The following EPYC variants were observed in gnomAD, a reference collection of about 807,000 sequenced individuals.
The protein encoded by EPYC is dermatan sulfate proteoglycan 3.
In EPYC, 28 loss-of-function variants were observed where a neutral mutation model predicts 30.1. That is an observed-to-expected ratio of 0.93 (90% CI 0.69 to 1.28). The LOEUF (loss-of-function observed/expected upper bound fraction) is 1.28, where lower values mean the gene tolerates loss of function less well. EPYC is among the 50% of genes most tolerant of loss of function. The pLI is 0.00. For missense variants in EPYC, 382 were observed against 383.5 expected (o/e 1.00, Z 0.03); for synonymous variants, 144 against 141.4 (o/e 1.02, Z -0.13).
chr12:90,987,200 T>G (rs1430086640), intron 2 of EPYC, among the ~76,000 whole-genome samples: 1 of 152,100 alleles, frequency 6.6e-6, no homozygotes, highest in Non-Finnish European at 1.5e-5. Context: ...AAGGTCAGCA[T>G]AACCATAAAC....
At chr12:90,982,165 A>G (rs1425597980) in intron 2 of EPYC, among the ~76,000 whole-genome samples, 1 of 152,184 alleles carries the variant, frequency 6.6e-6, no homozygotes, top group African/African-American at 2.4e-5. Flanking sequence ...CCTATCTGCC[A>G]TCATCACCAT....
chr12:90,990,750 C>T (rs1877564180), intron 2 of EPYC, among the ~76,000 whole-genome samples: 1 of 152,106 alleles, frequency 6.6e-6, no homozygotes, highest in Admixed American at 6.5e-5. Context: ...AGGGATCGAA[C>T]TCTTTAAATA....
chr12:90,986,015 T>C (rs1877439798), intron 2 of EPYC, among the ~76,000 whole-genome samples: 1 of 152,170 alleles, frequency 6.6e-6, no homozygotes. Context: ...TATTTGTGAT[T>C]GGCAGAATTT....
intron 1 of EPYC, among the ~76,000 whole-genome samples, chr12:91,003,358 A>G (rs1877875652): frequency 6.6e-6 from 1 of 152,046 alleles, no homozygotes; most frequent in African/African-American, 2.4e-5. Context: ...TAGCTATCTA[A>G]GATTTGAACT....
In EPYC at chr12:90,964,143, C is replaced by T; in HGVS notation, c.*13G>A. 1 of 1,605,002 alleles carries T rather than the reference C, an allele frequency of 6.2e-7. No individual in the cohort carries two copies. Among genetic ancestry groups the T allele is most frequent in the Non-Finnish European group, 8.5e-7 (1 of 1,173,884 alleles). On this transcript the variant is annotated 3_prime_UTR_variant, in exon 7 of 7. Transcript: ENST00000261172. ...TTTATAGTAGCCATCGTAATGCTAACCATTATCTGAAATTAGACAAGGCTC... is the reference window on the plus strand; with the variant it reads ...TTTATAGTAGCCATCGTAATGCTAATCATTATCTGAAATTAGACAAGGCTC...
Position 90,972,856 on chromosome 12 carries a change from A to T in EPYC, c.465T>A (p.Ile155=). The T allele has an allele frequency of 6.2e-7, 1 of 1,613,704 alleles. No homozygotes were observed. ...TAYFYSRFNR[I]KKINKNDFAS... ...CAAAGTCATTTTTGTTGATCTTTTT[A>T]ATTCTGTTAAAGCGGGAATAGAAAT... Residue 155 remains isoleucine (I), a synonymous_variant, in exon 4 of 7, where the codon ATT becomes ATA. Transcript: ENST00000261172.
Position 90,988,690 on chromosome 12 carries a change from A to T in EPYC, c.166-10428T>A, listed in dbSNP as rs555823379. ...AAATGTCTATATTATGGCAAGTCTTATTAGTAGCTGTAACAAACAAGTCCA... is the reference window on the plus strand; with the variant it reads ...AAATGTCTATATTATGGCAAGTCTTTTTAGTAGCTGTAACAAACAAGTCCA... On this transcript the variant is annotated intron_variant, in intron 2 of 6. Transcript: ENST00000261172. Among the ~76,000 whole-genome samples the T allele has an allele frequency of 7.7e-4, 118 of 152,284 alleles. 2 individuals carry two copies. Among genetic ancestry groups the T allele is most frequent in the African/African-American group, 2.7e-3 (112 of 41,586 alleles).
At chr12:90,980,131 C>T (rs780952745) in intron 2 of EPYC, among the ~76,000 whole-genome samples, 5 of 151,982 alleles carry the variant, frequency 3.3e-5, no homozygotes, top group Non-Finnish European at 5.9e-5. Context: ...CCAGGAAGAG[C>T]GGAAATTGAG....
chr12:90,978,203 C>T lies in EPYC; in HGVS notation c.225G>A (p.Gln75=), dbSNP rs1177141497. The T allele has an allele frequency of 6.2e-7, 1 of 1,604,172 alleles. No homozygotes were observed. The highest frequency in any genetic ancestry group is 8.5e-7 in the Non-Finnish European group (1 of 1,176,090). ...GNRELLTPPP[Q]PEKAQEEEEE... is the part of the protein sequence containing the mutation. ...CTTCCTCTTCCTGGGCCTTCTCAGGCTGTGGGGGTGGAGTGAGGAGCTCTC... is the reference window on the plus strand; with the variant it reads ...CTTCCTCTTCCTGGGCCTTCTCAGGTTGTGGGGGTGGAGTGAGGAGCTCTC... Residue 75 remains glutamine (Q), a synonymous_variant, in exon 3 of 7, where the codon CAG becomes CAA. Coordinates refer to ENST00000261172, the MANE Select transcript of EPYC (RefSeq NM_004950.5).
At chr12:90,970,726 G>A (rs1404435650) in intron 5 of EPYC, among the ~76,000 whole-genome samples, 1 of 152,214 alleles carries the variant, frequency 6.6e-6, no homozygotes, top group East Asian at 1.9e-4. Flanking sequence ...GCTATAGTGA[G>A]ATGCCCTAAC....
intron 2 of EPYC, among the ~76,000 whole-genome samples, chr12:90,994,158 T>C (rs1331871038): frequency 6.6e-6 from 1 of 152,140 alleles, no homozygotes; most frequent in Non-Finnish European, 1.5e-5. Context: ...TTCTTGGCTC[T>C]CAGCAAAAGA....
chr12:90,976,266 G>A (rs1214829194), intron 3 of EPYC, among the ~76,000 whole-genome samples: 1 of 152,010 alleles, frequency 6.6e-6, no homozygotes, highest in Non-Finnish European at 1.5e-5. Flanking sequence ...ACTATTCATA[G>A]TTAACAATAC....
chr12:90,978,411 G>A, intron 2 of EPYC, 149 bp from the exon 3 acceptor site: 1 of 682,312 alleles, frequency 1.5e-6, no homozygotes, highest in South Asian at 2.4e-5. Flanking sequence ...TGCTTGCTTG[G>A]AGGAACACAC....
intron 2 of EPYC, among the ~76,000 whole-genome samples, 190 bp downstream of exon 2, chr12:91,002,211 A>T (rs868470628): frequency 1.4e-5 from 2 of 140,380 alleles, no homozygotes; most frequent in East Asian, 4.2e-4. Flanking sequence ...AAAAAAAAAA[A>T]GGGCAAAAGA....
chr12:90,989,319 A>T (rs1877527764), intron 2 of EPYC, among the ~76,000 whole-genome samples: 1 of 152,024 alleles, frequency 6.6e-6, no homozygotes, highest in South Asian at 2.1e-4. Flanking sequence ...ATTTGTGTAA[A>T]TTCACTTATT....
At chr12:90,998,615 C>G (rs1920753) in intron 2 of EPYC, among the ~76,000 whole-genome samples, 10,363 of 152,136 alleles carry the variant, frequency 0.068, 606 homozygotes, top group South Asian at 0.2. Flanking sequence ...TATTGACCAC[C>G]TAAATCCCTA....
chr12:91,001,681 G>A (rs553369352), intron 2 of EPYC, among the ~76,000 whole-genome samples: 1 of 151,978 alleles, frequency 6.6e-6, no homozygotes, highest in Non-Finnish European at 1.5e-5. Context: ...CCAAACTATT[G>A]TTCTTTCTCT....
chr12:90,994,026 T>C (rs1920758), intron 2 of EPYC, among the ~76,000 whole-genome samples: 109,622 of 151,992 alleles, frequency 0.72, 41,474 homozygotes, highest in Non-Finnish European at 0.83. Context: ...ACAGATCTCG[T>C]ATACATATAT....
chr12:90,988,069 G>A lies in EPYC; in HGVS notation c.166-9807C>T, dbSNP rs371699291. Among the ~76,000 whole-genome samples, 19 of 152,190 alleles carry A rather than the reference G, an allele frequency of 1.2e-4. No individual in the cohort carries two copies. In the East Asian group the frequency reaches 1.7e-3, roughly 14 times the overall value. ...GAAAGTAAAAACATGTATACACTGA[G>A]ATCCTTATTGATTCATTGATATTTA... On this transcript the variant is annotated intron_variant, in intron 2 of 6. Transcript: ENST00000261172.
Sources: allele counts gnomAD v4.1 joint callset (sites outside exome capture counted in the v4.1 genomes callset), GRCh38; gene constraint gnomAD v4.1.1; transcripts MANE v1.5; gene names NCBI Gene and HGNC (gene_info 2026-07-23, HGNC 2026-07-21).